ZCCHC8: variants seen among roughly 807,000 people sequenced by gnomAD.
ZCCHC8 encodes the protein zinc finger CCHC domain-containing protein 8.
Under a neutral mutation model 70.6 loss-of-function variants are expected in ZCCHC8, and 27 were observed. The observed-to-expected ratio is 0.38, with a 90% CI of 0.28 to 0.53. The LOEUF is 0.53. Ranked by LOEUF, ZCCHC8 falls within the 20% of genes least tolerant of loss-of-function variation. ZCCHC8 has a pLI of 0.81. For synonymous variants in ZCCHC8, 293 were observed against 317.4 expected, an observed-to-expected ratio of 0.92 and a Z score of 0.82; for missense variants, 737 against 876.9, an observed-to-expected ratio of 0.84 and a Z score of 2.01.
chr12:122,493,740 G>A (rs1957783288), intron 2 of ZCCHC8, among the ~76,000 whole-genome samples: 1 of 151,762 alleles, frequency 6.6e-6, no homozygotes, highest in Non-Finnish European at 1.5e-5. Context: ...AGCTTCCCAA[G>A]TAGCTGGGAC....
Position 122,480,244 on chromosome 12 carries a change from T to C in ZCCHC8, c.1086A>G (p.Ser362=). 1 of 1,605,646 alleles carries C rather than the reference T, an allele frequency of 6.2e-7. No individual in the cohort carries two copies. Among genetic ancestry groups the C allele is most frequent in the Non-Finnish European group, 8.5e-7 (1 of 1,175,038 alleles). ...TAAAACCAGGATAGTTGACCAATTT[T>C]GAGAGATCGTAAGTGACACTTTTAT... ...QQNKSVTYDL[S]KLVNYPGFNI... The change falls in exon 11 of 14, where the codon TCA becomes TCG. Residue 362 remains serine, a synonymous_variant. Transcript: ENST00000633063.
intron 4 of ZCCHC8, 114 bp from the exon 5 acceptor site, chr12:122,489,577 G>A: frequency 1.1e-6 from 1 of 933,512 alleles, no homozygotes; most frequent in Admixed American, 2.0e-5. Flanking sequence ...CATTTCATGT[G>A]GGAGAATGGA....
intron 8 of ZCCHC8, 62 bp from the exon 9 acceptor site, chr12:122,482,149 A>T: frequency 6.7e-7 from 1 of 1,500,212 alleles, no homozygotes; most frequent in Non-Finnish European, 8.9e-7. Flanking sequence ...TCAGAAATTA[A>T]ATAAAAATAC....
rs998823742 is a variant in ZCCHC8, at chr12:122,472,531, G to C, written c.*966C>G. 1 of 152,226 alleles carries C rather than the reference G, an allele frequency of 6.6e-6. No homozygotes were observed. The highest frequency in any genetic ancestry group is 1.5e-5 in the Non-Finnish European group (1 of 68,034). The allele number at this position is 152,226 out of a possible 1,614,324, so 9.4% of individuals were successfully genotyped here. A position where few individuals can be genotyped will look rare whatever the true frequency, so the allele number is the denominator to read the frequency against. ...CAACAATTTACTTTTAAACTTAAAAGTTATATGCACCGGCCAGGTGAGGTG... is the reference window on the plus strand; with the variant it reads ...CAACAATTTACTTTTAAACTTAAAACTTATATGCACCGGCCAGGTGAGGTG... On this transcript the variant is annotated 3_prime_UTR_variant, in exon 14 of 14. Transcript: ENST00000633063.
chr12:122,486,938 C>T (rs1487112361), intron 5 of ZCCHC8, among the ~76,000 whole-genome samples: 1 of 152,194 alleles, frequency 6.6e-6, no homozygotes, highest in Non-Finnish European at 1.5e-5. Flanking sequence ...ACTTAGCTTT[C>T]CACCTGTTTC....
In ZCCHC8 at chr12:122,500,169, ACT is replaced by A. The variant is rs1957898195; in HGVS notation, c.199+471_199+472del. 1 of 160,424 alleles carries A rather than the reference ACT, an allele frequency of 6.2e-6. No homozygotes were observed. Among genetic ancestry groups the A allele is most frequent in the African/African-American group, 2.4e-5 (1 of 41,452 alleles). 9.9% of individuals were successfully genotyped at this position (160,424 alleles called of 1,614,324 possible). Reference sequence around the variant, plus strand: ...ACACCCGGATTCCTTGAGGCCCCCAACTCTGCATTCTGGGACCACTAGCGTTT... The same window carrying A: ...ACACCCGGATTCCTTGAGGCCCCCAACTGCATTCTGGGACCACTAGCGTTT... On this transcript the variant is annotated intron_variant, in intron 1 of 13. Coordinates refer to ENST00000633063, the MANE Select transcript of ZCCHC8 (RefSeq NM_017612.5). The surrounding 1 kb of genome is among the most constrained non-coding windows in gnomAD (Gnocchi z 4.8).
intron 1 of ZCCHC8, chr12:122,499,813 G>C (rs891242600): frequency 6.6e-6 from 1 of 152,590 alleles, no homozygotes; most frequent in Admixed American, 6.6e-5. Context: ...CTGCACTCCA[G>C]CCTGGGCAAC....
Position 122,500,916 on chromosome 12 carries a change from C to T in ZCCHC8, c.-76G>A. On this transcript the variant is annotated 5_prime_UTR_variant, in exon 1 of 14. The change creates a new upstream start codon in the 5' untranslated region. Coordinates refer to ENST00000633063, the MANE Select transcript of ZCCHC8 (RefSeq NM_017612.5). The surrounding 1 kb of genome is among the most constrained non-coding windows in gnomAD (Gnocchi z 4.8). Reference sequence around the variant, plus strand: ...TGGGGAAGAAGGTTGGAAGGCGGCACCACTCTCTAGAGCTCTGGCCGCACG... The same window carrying T: ...TGGGGAAGAAGGTTGGAAGGCGGCATCACTCTCTAGAGCTCTGGCCGCACG... 1.4e-6 allele frequency: 2 copies of T among 1,480,426 alleles called. No homozygotes were observed. The highest frequency in any genetic ancestry group is 1.8e-6 in the Non-Finnish European group (2 of 1,092,082). 91.7% of individuals were successfully genotyped at this position (1,480,426 alleles called of 1,614,324 possible).
At position 122,472,007 on chromosome 12, in the gene ZCCHC8, T is replaced by A. The variant is rs1242399757; in HGVS notation, c.*1490A>T. On this transcript the variant is annotated 3_prime_UTR_variant, in exon 14 of 14. Transcript: ENST00000633063. ...AAGCAGTATGTTTATGTTTAATTTT[T>A]AATTTTTAACTATTAGGGTTCAAAT... The A allele has an allele frequency of 6.6e-6, 1 of 152,230 alleles. No individual in the cohort carries two copies. The highest frequency in any genetic ancestry group is 6.5e-5 in the Admixed American group (1 of 15,286). The allele number at this position is 152,230 out of a possible 1,614,324, so 9.4% of individuals were successfully genotyped here.
intron 1 of ZCCHC8, 61 bp from the exon 2 acceptor site, chr12:122,498,930 A>G: frequency 7.0e-7 from 1 of 1,427,188 alleles, no homozygotes; most frequent in Non-Finnish European, 9.8e-7. Flanking sequence ...AAATTCAACT[A>G]CTACTTCTCT....
intron 2 of ZCCHC8, among the ~76,000 whole-genome samples, chr12:122,495,656 T>A (rs1300084669): frequency 6.6e-6 from 1 of 152,050 alleles, no homozygotes; most frequent in Non-Finnish European, 1.5e-5. Context: ...AAGACCAGCC[T>A]GACCAACATG....
chr12:122,489,344 A>AC (rs1373726283), intron 5 of ZCCHC8, 42 bp downstream of exon 5: 2 of 1,584,716 alleles, frequency 1.3e-6, no homozygotes, highest in Non-Finnish European at 1.7e-6. Context: ...AGGATAGGAA[A>AC]CACCTATTGG....
chr12:122,497,815 C>T (rs1180411016), intron 2 of ZCCHC8, among the ~76,000 whole-genome samples: 4 of 151,676 alleles, frequency 2.6e-5, no homozygotes, highest in Non-Finnish European at 5.9e-5. Context: ...TTGAGACCAG[C>T]TTGAGTAACA....
intron 2 of ZCCHC8, among the ~76,000 whole-genome samples, chr12:122,493,397 A>G (rs1957779348): frequency 6.6e-6 from 1 of 152,038 alleles, no homozygotes; most frequent in East Asian, 1.9e-4. Flanking sequence ...GGGAAGGACT[A>G]GGTAAACAAG....
rs1022658428 is a variant in ZCCHC8, at chr12:122,483,578, T to C, written c.502-15A>G. 3.3e-6 allele frequency: 5 copies of C among 1,533,800 alleles called. No homozygotes were observed. The Admixed American group carries it at 9.8e-5, about 30-fold the overall frequency. On this transcript the variant is annotated splice_polypyrimidine_tract_variant and intron_variant, in intron 5 of 13. Transcript: ENST00000633063. This position sits in a 1 kb window ranked among gnomAD's most constrained non-coding sequence, Gnocchi z 4.4. ...CTTCCTACAACCTGCAGAAAACAAG[T>C]CAAAAAATATTGCTATTTAAGCAGA...
rs1957581594 is a variant in ZCCHC8 at position 122,483,711 on chromosome 12, T to C, written c.502-148A>G. 4 of 685,042 alleles carry C rather than the reference T, an allele frequency of 5.8e-6. No homozygotes were observed. The Middle Eastern group carries it at 1.2e-3, about 200-fold the overall frequency. The allele number at this position is 685,042 out of a possible 1,614,324, so 42.4% of individuals were successfully genotyped here. On this transcript the variant is annotated intron_variant, in intron 5 of 13. Transcript: ENST00000633063. The surrounding 1 kb of genome is among the most constrained non-coding windows in gnomAD (Gnocchi z 4.4). ...TCCTTGTTATTAAGGAGCCAGACTT[T>C]GATGTGTAAGTAGAAACTACATCGT... is the stretch of plus-strand genomic sequence containing the variant.
intron 10 of ZCCHC8, 52 bp downstream of exon 10, chr12:122,481,469 TA>T (rs57144421): frequency 0.018 from 21,782 of 1,239,142 alleles, no homozygotes; most frequent in East Asian, 0.042. Flanking sequence ...ATTCTTTAAT[TA>T]AAAAAAAAAA....
At position 122,489,512 on chromosome 12, in the gene ZCCHC8, A is replaced by C. The variant is rs762025903; in HGVS notation, c.424-49T>G. The C allele has an allele frequency of 7.3e-6, 11 of 1,511,192 alleles. 2 individuals are homozygous for C. In the South Asian group the frequency reaches 1.3e-4, roughly 17 times the overall value. 93.6% of individuals were successfully genotyped at this position (1,511,192 alleles called of 1,614,324 possible). On this transcript the variant is annotated intron_variant, in intron 4 of 13. Coordinates refer to ENST00000633063, the MANE Select transcript of ZCCHC8 (RefSeq NM_017612.5). ...TACAACCGGTAACCAATTTTTAACC[A>C]GTTTAAATGGAAGTTAGTAAGTTTA...
chr12:122,499,269 CT>C (rs570830096), intron 1 of ZCCHC8: 4,684 of 159,272 alleles, frequency 0.029, no homozygotes, highest in South Asian at 0.087. Context: ...ATCCTTTCAA[CT>C]TTTTTTTTTT....
Sources: gnomAD v4.1 joint callset for allele counts (sites outside exome capture counted in the v4.1 genomes callset) on GRCh38, gnomAD v4.1.1 for gene constraint, Gnocchi (gnomAD v3.1) non-coding constraint, MANE v1.5 for transcripts, NCBI Gene and HGNC (gene_info 2026-07-23, HGNC 2026-07-21) for gene names.